FOCAD: variants seen among roughly 807,000 people sequenced by gnomAD.
The protein encoded by FOCAD is KIAA1797.
Under a neutral mutation model 225.6 loss-of-function variants are expected in FOCAD, and 198 were observed. The ratio of observed to expected loss-of-function variants is 0.88; its 90% CI spans 0.78 to 0.99. The LOEUF (loss-of-function observed/expected upper bound fraction) is 0.99. FOCAD is among the 50% of genes least tolerant of loss of function. The probability of loss-of-function intolerance (pLI) is 0.00; values close to 1 mark genes in which losing one functional copy is unlikely to be tolerated. For missense variants in FOCAD, 2,713 were observed against 2,123.6 expected, an observed-to-expected ratio of 1.28 and a Z score of -5.46; for synonymous variants, 897 against 755.0, an observed-to-expected ratio of 1.19 and a Z score of -3.08.
intron 5 of FOCAD, among the ~76,000 whole-genome samples, chr9:20,754,950 C>G (rs961013570): frequency 2.0e-5 from 3 of 152,016 alleles, no homozygotes; most frequent in African/African-American, 7.2e-5. Flanking sequence ...TATTACACAC[C>G]AATTTGATGA....
intron 19 of FOCAD, among the ~76,000 whole-genome samples, chr9:20,881,081 A>G (rs886209692): frequency 6.6e-6 from 1 of 152,236 alleles, no homozygotes; most frequent in Non-Finnish European, 1.5e-5. Context: ...TAGTGGACAA[A>G]TATCTCATTT....
At position 20,758,125 on chromosome 9, in the gene FOCAD, A is replaced by G; in HGVS notation, c.428A>G (p.His143Arg). The G allele has an allele frequency of 3.1e-6, 5 of 1,612,502 alleles. No individual in the cohort carries two copies. The highest frequency in any genetic ancestry group is 1.1e-5 in the South Asian group (1 of 90,822). ...HPHPLITVLE[H>R]RPDCWPVFLQ... ...CATCCTTTGATAACTGTGCTTGAACACAGACCTGATTGCTGGCCAGTGTTT... is the reference window on the plus strand; with the variant it reads ...CATCCTTTGATAACTGTGCTTGAACGCAGACCTGATTGCTGGCCAGTGTTT... The change falls in exon 6 of 44, where the codon CAC becomes CGC. Residue 143 changes from histidine to arginine, a missense_variant. Physicochemically the swap from His to Arg is conservative, Grantham distance 29. Coordinates refer to ENST00000338382, the MANE Select transcript of FOCAD (RefSeq NM_001375567.1).
chr9:20,942,377 A>G (rs185407087), intron 28 of FOCAD, among the ~76,000 whole-genome samples: 81 of 152,340 alleles, frequency 5.3e-4, no homozygotes, highest in African/African-American at 1.7e-3. Flanking sequence ...CAAGACTTAC[A>G]TACTTCCTTG....
At chr9:20,693,852 A>G (rs1823129821) in intron 1 of FOCAD, among the ~76,000 whole-genome samples, 1 of 152,216 alleles carries the variant, frequency 6.6e-6, no homozygotes, top group African/African-American at 2.4e-5. Flanking sequence ...ATGGGATTAC[A>G]GGTGCGTGCT....
intron 29 of FOCAD, 95 bp downstream of exon 29, chr9:20,944,869 A>T (rs1837031309): frequency 7.7e-7 from 1 of 1,295,394 alleles, no homozygotes; most frequent in Non-Finnish European, 1.0e-6. Context: ...TAACCCTATA[A>T]ATTAAATTCT....
At chr9:20,981,777 A>C in intron 38 of FOCAD, 91 bp downstream of exon 38, 4 of 1,391,830 alleles carry the variant, frequency 2.9e-6, no homozygotes, top group Non-Finnish European at 3.9e-6. Flanking sequence ...ATGTTTTAAG[A>C]ATGTGGGTGG....
rs567254166 is a variant in FOCAD, at chr9:20,694,918, T to C, written c.-33+10625T>C. 9.8e-5 allele frequency among the ~76,000 whole-genome samples: 15 copies of C among 152,356 alleles called. 1 individual carries two copies. The South Asian group carries it at 1.9e-3, about 19-fold the overall frequency. On this transcript the variant is annotated intron_variant, in intron 1 of 43. Transcript: ENST00000338382. ...AGATTGTCTTAGTAGAATTGGTTTT[T>C]TGAAATCAGAATCATGTAAGTTTCC...
chr9:20,722,688 A>G (rs1261302313), intron 4 of FOCAD, among the ~76,000 whole-genome samples: 3 of 152,218 alleles, frequency 2.0e-5, no homozygotes, highest in Non-Finnish European at 2.9e-5. Context: ...GAATAATTCT[A>G]TTGTATACCA....
At chr9:20,677,292 C>A (rs138496597) in intron 2 of FOCAD, among the ~76,000 whole-genome samples, 5,086 of 152,242 alleles carry the variant, frequency 0.033, 291 homozygotes, top group African/African-American at 0.11. Context: ...AGGAAGAAAG[C>A]TTCTTGACCT....
rs560017051 is a variant in FOCAD, at chr9:20,689,807, C to T, written c.-33+5514C>T. ...TTTTGATGAAGCTTTCTGTTGTTAA[C>T]GTTTACCCATCAAGTCATTATAGTT... On this transcript the variant is annotated intron_variant, in intron 1 of 43. Coordinates refer to ENST00000338382, the MANE Select transcript of FOCAD (RefSeq NM_001375567.1). Among the ~76,000 whole-genome samples, 4 of 152,150 alleles carry T rather than the reference C, an allele frequency of 2.6e-5. No individual in the cohort carries two copies. In the East Asian group the frequency reaches 7.7e-4, roughly 29 times the overall value.
intron 28 of FOCAD, among the ~76,000 whole-genome samples, chr9:20,938,805 A>G (rs1836304487): frequency 6.6e-6 from 1 of 152,150 alleles, no homozygotes; most frequent in South Asian, 2.1e-4. Context: ...TATATTATGT[A>G]CATGAACTTT....
At chr9:20,850,584 C>A (rs1412802599) in intron 15 of FOCAD, among the ~76,000 whole-genome samples, 1 of 151,616 alleles carries the variant, frequency 6.6e-6, no homozygotes, top group Non-Finnish European at 1.5e-5. Flanking sequence ...TCTTAAATGC[C>A]AATTTACATG....
chr9:20,741,018 A>T (rs1827571464), intron 5 of FOCAD, among the ~76,000 whole-genome samples: 1 of 152,170 alleles, frequency 6.6e-6, no homozygotes, highest in Non-Finnish European at 1.5e-5. Context: ...CAGAAGATGC[A>T]TGTGATCAGT....
At chr9:20,874,923 C>A in intron 19 of FOCAD, 116 bp downstream of exon 19, 1 of 1,322,848 alleles carries the variant, frequency 7.6e-7, no homozygotes, top group Non-Finnish European at 1.1e-6. Context: ...TATTTTTTAA[C>A]CAGAATGTTA....
chr9:20,929,508 C>G lies in FOCAD; in HGVS notation c.3229C>G (p.Pro1077Ala). The part of the protein sequence containing the change: ...NMLTARLPGK[P>A]SADESQAVQI... ...GCTGACTGCCAGGTTACCTGGGAAA[C>G]CAAGTGCTGATGAGTCTCAAGCCGT... Residue 1077 changes from proline (P) to alanine (A), a missense_variant, in exon 27 of 44, where the codon CCA becomes GCA. Physicochemically the swap from Pro to Ala is conservative, Grantham distance 27. Coordinates refer to ENST00000338382, the MANE Select transcript of FOCAD (RefSeq NM_001375567.1). 6.2e-7 allele frequency: 1 copy of G among 1,614,150 alleles called. No homozygotes were observed. The highest frequency in any genetic ancestry group is 8.5e-7 in the Non-Finnish European group (1 of 1,180,030).
In FOCAD at chr9:20,658,372, G is replaced by C. The variant is rs372367361; in HGVS notation, c.-301G>C. The C allele has an allele frequency of 7.2e-3, 1,187 of 164,446 alleles. 7 individuals are homozygous for C. The highest frequency in any genetic ancestry group is 0.017 in the African/African-American group (703 of 41,170). The allele number at this position is 164,446 out of a possible 1,614,324, so 10.2% of individuals were successfully genotyped here. ...CTGGGCAATGGCGGGCGCCCCTCCCGCAGCCTCGCTGCCGCCTTGCAGGTT... is the reference window on the plus strand; with the variant it reads ...CTGGGCAATGGCGGGCGCCCCTCCCCCAGCCTCGCTGCCGCCTTGCAGGTT... On this transcript the variant is annotated 5_prime_UTR_variant, in exon 1 of 46. Transcript: ENST00000380249.
chr9:20,770,018 A>G lies in FOCAD; in HGVS notation c.700-14A>G, dbSNP rs376370384. On this transcript the variant is annotated splice_polypyrimidine_tract_variant and intron_variant, in intron 7 of 43. Transcript: ENST00000338382. Reference sequence around the variant, plus strand: ...GTGTATTTTTTAATATCATATAATGACTTTTTTAAACAGGTAAAAGATTTG... The same window carrying G: ...GTGTATTTTTTAATATCATATAATGGCTTTTTTAAACAGGTAAAAGATTTG... 1.8e-4 allele frequency: 286 copies of G among 1,605,316 alleles called. No homozygotes were observed. Among genetic ancestry groups the G allele is most frequent in the Admixed American group, 4.5e-4 (27 of 59,654 alleles).
At chr9:20,847,157 A>G (rs1324540900) in intron 15 of FOCAD, among the ~76,000 whole-genome samples, 2 of 152,108 alleles carry the variant, frequency 1.3e-5, no homozygotes, top group East Asian at 3.9e-4. Context: ...ATCACCACAA[A>G]TAAGTTTGGG....
intron 2 of FOCAD, among the ~76,000 whole-genome samples, chr9:20,663,165 T>G (rs540057865): frequency 6.6e-6 from 1 of 151,990 alleles, no homozygotes; most frequent in Non-Finnish European, 1.5e-5. Flanking sequence ...GGTGGGAGGA[T>G]TGCTTAAAGT....
Sources: gnomAD v4.1 joint callset for allele counts (sites outside exome capture counted in the v4.1 genomes callset) on GRCh38, gnomAD v4.1.1 for gene constraint, MANE v1.5 for transcripts, NCBI Gene and HGNC (gene_info 2026-07-23, HGNC 2026-07-21) for gene names.